ATRN: variants seen among roughly 807,000 people sequenced by gnomAD.
The protein encoded by ATRN is attractin.
In ATRN, 54 loss-of-function variants were observed where a neutral mutation model predicts 178.7. That is an observed-to-expected ratio of 0.30 (90% CI 0.24 to 0.38). ATRN has a LOEUF of 0.38. Ranked by LOEUF, ATRN falls within the 10% of genes least tolerant of loss-of-function variation. The probability of loss-of-function intolerance (pLI) is 1.00; values close to 1 mark genes in which losing one functional copy is unlikely to be tolerated. For synonymous variants in ATRN, 636 were observed against 663.0 expected, an observed-to-expected ratio of 0.96 and a Z score of 0.63; for missense variants, 1,443 against 1,815.1, an observed-to-expected ratio of 0.79 and a Z score of 3.73.
chr20:3,497,923 A>G (rs1302105143), intron 1 of ATRN, among the ~76,000 whole-genome samples: 1 of 152,074 alleles, frequency 6.6e-6, no homozygotes, highest in Non-Finnish European at 1.5e-5. Flanking sequence ...CATCAACAAA[A>G]TTGATAAACT....
At chr20:3,553,590 A>G (rs1286835868) in intron 6 of ATRN, among the ~76,000 whole-genome samples, 1 of 152,190 alleles carries the variant, frequency 6.6e-6, no homozygotes, top group Admixed American at 6.5e-5. Context: ...ATGGCCCTGC[A>G]TGATGTGACC....
intron 1 of ATRN, among the ~76,000 whole-genome samples, chr20:3,504,744 G>A (rs1216065897): frequency 1.4e-5 from 2 of 147,820 alleles, no homozygotes; most frequent in Non-Finnish European, 3.0e-5. Flanking sequence ...ATAATAGACT[G>A]CCCCTTTCCT....
At chr20:3,612,910 G>A (rs534741888) in intron 24 of ATRN, among the ~76,000 whole-genome samples, 4 of 152,196 alleles carry the variant, frequency 2.6e-5, no homozygotes, top group African/African-American at 7.2e-5. Flanking sequence ...CTTTTGTGCT[G>A]GAGATGGCCA....
intron 6 of ATRN, among the ~76,000 whole-genome samples, chr20:3,557,996 G>A (rs1208011873): frequency 1.3e-5 from 2 of 152,174 alleles, no homozygotes; most frequent in Non-Finnish European, 2.9e-5. Flanking sequence ...AAGGCTTAGA[G>A]AAAATTAACA....
At chr20:3,518,131 T>C (rs1313188504) in intron 1 of ATRN, among the ~76,000 whole-genome samples, 1 of 152,188 alleles carries the variant, frequency 6.6e-6, no homozygotes, top group Admixed American at 6.5e-5. Context: ...GTTAGACTGG[T>C]TTTTGTGTTG....
At chr20:3,604,032 A>T (rs1022525306) in intron 23 of ATRN, 73 bp from the exon 24 acceptor site, 1 of 1,289,766 alleles carries the variant, frequency 7.8e-7, no homozygotes, top group Non-Finnish European at 1.1e-6. Context: ...CTTATTATTA[A>T]TGAGGCCAGA....
chr20:3,566,904 CAAAAAAAAAA>C (rs33920660), intron 11 of ATRN, among the ~76,000 whole-genome samples: 10 of 86,466 alleles, frequency 1.2e-4, no homozygotes, highest in Middle Eastern at 7.4e-3. Context: ...GACTCCATCT[CAAAAAAAAAA>C]AAAAAAAAAA....
chr20:3,545,719 T>TG, intron 3 of ATRN, 43 bp from the exon 4 acceptor site: 1 of 1,601,388 alleles, frequency 6.2e-7, no homozygotes, highest in Non-Finnish European at 8.5e-7. Context: ...TTGACATGTC[T>TG]GTGCTTGTGC....
chr20:3,476,122 G>A (rs2084525989), intron 1 of ATRN, among the ~76,000 whole-genome samples: 2 of 152,168 alleles, frequency 1.3e-5, no homozygotes, highest in African/African-American at 4.8e-5. Context: ...TCCATCCTGG[G>A]CAACAAAGCG....
At chr20:3,590,050 A>G (rs1310233392) in intron 18 of ATRN, among the ~76,000 whole-genome samples, 3 of 152,158 alleles carry the variant, frequency 2.0e-5, no homozygotes, top group Non-Finnish European at 2.9e-5. Context: ...CCCGGGTTCA[A>G]GCGGTTCTCC....
At chr20:3,567,451 A>G (rs2086052686) in intron 11 of ATRN, among the ~76,000 whole-genome samples, 1 of 152,198 alleles carries the variant, frequency 6.6e-6, no homozygotes, top group South Asian at 2.1e-4. Context: ...ATCATGAGTC[A>G]AAATTGGGAA....
At chr20:3,479,789 A>G (rs140619348) in intron 1 of ATRN, among the ~76,000 whole-genome samples, 194 of 152,234 alleles carry the variant, frequency 1.3e-3, no homozygotes, top group African/African-American at 4.5e-3. Context: ...AGTCCTTGGC[A>G]TTTTGGCTTG....
intron 24 of ATRN, among the ~76,000 whole-genome samples, chr20:3,607,633 C>T (rs767068353): frequency 2.6e-5 from 4 of 152,164 alleles, no homozygotes; most frequent in Non-Finnish European, 5.9e-5. Context: ...TTGATGGACA[C>T]GTAGGTTGAT....
At chr20:3,521,493 T>G (rs7343859) in intron 1 of ATRN, among the ~76,000 whole-genome samples, 7,831 of 152,296 alleles carry the variant, frequency 0.051, 607 homozygotes, top group African/African-American at 0.17. Context: ...CTAAAATACA[T>G]GAAGTACAAA....
intron 1 of ATRN, among the ~76,000 whole-genome samples, chr20:3,521,636 A>G (rs1272660359): frequency 6.6e-6 from 1 of 152,266 alleles, no homozygotes; most frequent in East Asian, 1.9e-4. Flanking sequence ...AACACTGTCA[A>G]TTAACTTGAC....
chr20:3,558,198 A>T (rs1321324438), intron 6 of ATRN, among the ~76,000 whole-genome samples: 3 of 152,196 alleles, frequency 2.0e-5, no homozygotes, highest in African/African-American at 7.2e-5. Flanking sequence ...TAGAATTAAT[A>T]AATTTTCTGT....
intron 24 of ATRN, among the ~76,000 whole-genome samples, chr20:3,623,813 A>G (rs2086915487): frequency 6.6e-6 from 1 of 152,204 alleles, no homozygotes; most frequent in East Asian, 1.9e-4. Context: ...TGAAATCATG[A>G]TGCATCTTAT....
At chr20:3,584,570 G>A (rs2086329377) in intron 17 of ATRN, 77 bp from the exon 18 acceptor site, 4 of 998,722 alleles carry the variant, frequency 4.0e-6, no homozygotes, top group Non-Finnish European at 5.9e-6. Context: ...CAGTTGAATA[G>A]TCTGTTAAAA....
At chr20:3,570,985 C>T (rs1436254284) in intron 11 of ATRN, among the ~76,000 whole-genome samples, 1 of 152,078 alleles carries the variant, frequency 6.6e-6, no homozygotes, top group African/African-American at 2.4e-5. Flanking sequence ...CTTCTAGTTC[C>T]CTCAATAGAT....
Sources: allele counts gnomAD v4.1 joint callset (sites outside exome capture counted in the v4.1 genomes callset), GRCh38; gene constraint gnomAD v4.1.1; transcripts MANE v1.5; gene names NCBI Gene and HGNC (gene_info 2026-07-23, HGNC 2026-07-21).